The following CDH2 variants were observed in gnomAD, a reference collection of about 807,000 sequenced individuals.
CDH2 encodes cadherin 2, also known as cadherin-2.
CDH2 carries 17 observed loss-of-function variants against 92.0 expected under a neutral mutation model. The ratio of observed to expected loss-of-function variants is 0.18; its 90% CI spans 0.13 to 0.28. CDH2 has a LOEUF of 0.28. CDH2 is among the 10% of genes least tolerant of loss of function. The probability of loss-of-function intolerance (pLI) is 1.00; values close to 1 mark genes in which losing one functional copy is unlikely to be tolerated. For synonymous variants in CDH2, 419 were observed against 415.9 expected (o/e 1.01, Z -0.09); for missense variants, 862 against 1,133.1 (o/e 0.76, Z 3.44).
intron 2 of CDH2, among the ~76,000 whole-genome samples, chr18:28,039,369 A>G (rs962517067): frequency 2.6e-5 from 4 of 152,110 alleles, no homozygotes; most frequent in African/African-American, 9.7e-5. Context: ...TGCTAGTTCC[A>G]GTCTTCTCTT....
intron 5 of CDH2, among the ~76,000 whole-genome samples, 177 bp from the exon 6 acceptor site, chr18:28,006,170 C>CA (rs1174966476): frequency 1.3e-5 from 2 of 152,046 alleles, no homozygotes; most frequent in Non-Finnish European, 2.9e-5. Context: ...GATATAGTAG[C>CA]AAAAAGCCAT....
At chr18:28,033,859 G>T (rs950861486) in intron 2 of CDH2, among the ~76,000 whole-genome samples, 15 of 151,996 alleles carry the variant, frequency 9.9e-5, no homozygotes, top group African/African-American at 3.1e-4. Flanking sequence ...ACTATCTAAT[G>T]AGATGAATTA....
chr18:27,997,955 C>A (rs527440547), intron 7 of CDH2, among the ~76,000 whole-genome samples: 1 of 151,998 alleles, frequency 6.6e-6, no homozygotes, highest in African/African-American at 2.4e-5. Flanking sequence ...TACAGGCGCC[C>A]GCAACCACGC....
rs1909480840 is a variant in CDH2 at position 27,952,082 on chromosome 18, T to G, written c.*71A>C. The G allele has an allele frequency of 7.5e-7, 1 of 1,336,526 alleles. No homozygotes were observed. The highest frequency in any genetic ancestry group is 1.4e-5 in the African/African-American group (1 of 69,568). The allele number at this position is 1,336,526 out of a possible 1,614,324, so 82.8% of individuals were successfully genotyped here. A position where few individuals can be genotyped will look rare whatever the true frequency, so the allele number is the denominator to read the frequency against. On this transcript the variant is annotated 3_prime_UTR_variant, in exon 16 of 16. Transcript: ENST00000269141. ...GTAGACTACAAAGTTAAAGCCTAGC[T>G]TCTGAATGCTTTTTGGGAATATCAG...
At chr18:28,068,571 T>A (rs2014555228) in intron 2 of CDH2, among the ~76,000 whole-genome samples, 1 of 152,176 alleles carries the variant, frequency 6.6e-6, no homozygotes, top group African/African-American at 2.4e-5. Context: ...ATGCAGATAT[T>A]CTGTATTAAA....
chr18:28,131,307 T>G (rs2015765914), intron 2 of CDH2, among the ~76,000 whole-genome samples: 1 of 152,070 alleles, frequency 6.6e-6, no homozygotes, highest in Non-Finnish European at 1.5e-5. Flanking sequence ...ATTCTGTCAG[T>G]TTTCAATAAT....
chr18:28,090,272 T>A (rs192403013), intron 2 of CDH2, among the ~76,000 whole-genome samples: 51 of 152,328 alleles, frequency 3.3e-4, no homozygotes. Context: ...TCTATTACAG[T>A]AATCTCAATA....
At position 27,985,559 on chromosome 18, in the gene CDH2, A is replaced by C; in HGVS notation, c.1944T>G (p.Ile648Met). Residue 648 changes from isoleucine (I) to methionine (M), a missense_variant, in exon 12 of 16, where the codon ATT becomes ATG. This residue lies in a region of CDH2 where 564 missense variants were observed against 722.2 expected (regional missense o/e 0.78). Transcript: ENST00000269141. The stretch of plus-strand genomic sequence containing the variant: ...GCCGAGTGATGGTCCAATTTCTCTT[A>C]ATAGTCACTGGAGATAAAGGAAGAT... ...AFDLPLSPVT[I>M]KRNWTITRLN... is the part of the protein sequence containing the mutation. 1 of 1,612,884 alleles carries C rather than the reference A, an allele frequency of 6.2e-7. No individual in the cohort carries two copies. The highest frequency in any genetic ancestry group is 8.5e-7 in the Non-Finnish European group (1 of 1,178,894).
chr18:27,937,794 C>T (rs1234270168), intron 6 of CDH2, among the ~76,000 whole-genome samples: 4 of 152,122 alleles, frequency 2.6e-5, no homozygotes, highest in African/African-American at 9.7e-5. Flanking sequence ...ATTTATTTTT[C>T]ATTCCAGAAA....
chr18:27,976,397 C>T (rs572670134), intron 14 of CDH2, among the ~76,000 whole-genome samples: 5 of 152,242 alleles, frequency 3.3e-5, no homozygotes, highest in Non-Finnish European at 5.9e-5. Flanking sequence ...TGTTTCAAGT[C>T]AAATTCTGAA....
intron 2 of CDH2, among the ~76,000 whole-genome samples, chr18:28,067,968 G>A (rs932826518): frequency 6.6e-6 from 1 of 152,144 alleles, no homozygotes; most frequent in Non-Finnish European, 1.5e-5. Context: ...ATAATGCAAT[G>A]TAAGAATTAT....
In CDH2 at chr18:27,963,625, A is replaced by C. The variant is rs187097933; in HGVS notation, c.2350-104T>G. On this transcript the variant is annotated intron_variant, in intron 14 of 15. Transcript: ENST00000269141. ...ACTCAGAACACATAGAAATGAGGAAAATTTAACATAATGGAAAAGTTGCCA... is the reference window on the plus strand; with the variant it reads ...ACTCAGAACACATAGAAATGAGGAACATTTAACATAATGGAAAAGTTGCCA... 2.0e-4 allele frequency: 184 copies of C among 934,800 alleles called. No homozygotes were observed. In the African/African-American group the frequency reaches 2.7e-3, roughly 14 times the overall value. 57.9% of individuals were successfully genotyped at this position (934,800 alleles called of 1,614,324 possible).
intron 8 of CDH2, 108 bp from the exon 9 acceptor site, chr18:27,992,948 T>G (rs1182850445): frequency 1.5e-6 from 1 of 667,902 alleles, no homozygotes; most frequent in South Asian, 2.4e-5. Flanking sequence ...ATTTTTATTA[T>G]CTACACTAAA....
At chr18:28,172,205 T>A (rs2016475853) in intron 1 of CDH2, among the ~76,000 whole-genome samples, 1 of 151,998 alleles carries the variant, frequency 6.6e-6, no homozygotes, top group South Asian at 2.1e-4. Flanking sequence ...GGAATAAAAA[T>A]CTAAGCAGAA....
At chr18:27,979,247 C>T (rs914377222) in intron 14 of CDH2, among the ~76,000 whole-genome samples, 8 of 151,922 alleles carry the variant, frequency 5.3e-5, no homozygotes, top group African/African-American at 1.7e-4. Flanking sequence ...AGGGTAAAAC[C>T]GTAGGCAGGA....
intron 2 of CDH2, among the ~76,000 whole-genome samples, chr18:28,129,144 T>G (rs1438676700): frequency 1.3e-5 from 2 of 152,328 alleles, no homozygotes; most frequent in Non-Finnish European, 2.9e-5. Flanking sequence ...CTTTGTGTGA[T>G]CTTCTGGTTA....
At position 27,980,904 on chromosome 18, in the gene CDH2, T is replaced by C. The variant is rs1007531384; in HGVS notation, c.2349+2040A>G. Among the ~76,000 whole-genome samples the C allele has an allele frequency of 3.1e-4, 47 of 151,940 alleles. 1 individual carries two copies. Among genetic ancestry groups the C allele is most frequent in the Non-Finnish European group, 1.2e-4 (8 of 68,008 alleles). On this transcript the variant is annotated intron_variant, in intron 14 of 15. Transcript: ENST00000269141. ...TTATTTTAACAAATCTTACAATAGATGAGTTTTACCACTTAATCTCAAGCA... is the reference window on the plus strand; with the variant it reads ...TTATTTTAACAAATCTTACAATAGACGAGTTTTACCACTTAATCTCAAGCA...
At chr18:27,960,019 A>AACAC (rs5823570) in intron 15 of CDH2, among the ~76,000 whole-genome samples, 12,094 of 149,522 alleles carry the variant, frequency 0.081, 602 homozygotes, top group African/African-American at 0.13. Context: ...TGTCTCTTAA[A>AACAC]ACACACACAC....
intron 1 of CDH2, among the ~76,000 whole-genome samples, chr18:28,172,881 G>C (rs1598526624): frequency 6.6e-6 from 1 of 152,024 alleles, no homozygotes; most frequent in South Asian, 2.1e-4. Context: ...TTGAAAAGAA[G>C]ATGGGGATTT....
Sources: gnomAD v4.1 joint callset for allele counts (sites outside exome capture counted in the v4.1 genomes callset) on GRCh38, gnomAD v4.1.1 for gene constraint, gnomAD v4.1.1 regional missense constraint, MANE v1.5 for transcripts, NCBI Gene and HGNC (gene_info 2026-07-23, HGNC 2026-07-21) for gene names.